The following CEP68 variants were observed in gnomAD, a reference collection of about 807,000 sequenced individuals.
CEP68 encodes centrosomal protein 68, also known as centrosomal protein of 68 kDa.
A neutral mutation model predicts 55.3 loss-of-function variants in CEP68; 26 were observed. The observed-to-expected ratio is 0.47, with a 90% CI of 0.34 to 0.65. The LOEUF is 0.65. Among genes scored for constraint, CEP68 ranks in the 30% least tolerant of loss-of-function variants. The pLI is 0.01. For synonymous variants in CEP68, 402 were observed against 383.2 expected, an observed-to-expected ratio of 1.05 and a Z score of -0.57; for missense variants, 957 against 946.7, an observed-to-expected ratio of 1.01 and a Z score of -0.14.
chr2:65,084,323 A>G lies in CEP68; in HGVS notation c.*689A>G, dbSNP rs780847280. The stretch of plus-strand genomic sequence containing the variant: ...TCTACAGTCATGCTTTAGCATGGCT[A>G]TGGAGCTAATTATCAAGCTTAAAGG... On this transcript the variant is annotated 3_prime_UTR_variant, in exon 7 of 7. Coordinates refer to ENST00000377990, the MANE Select transcript of CEP68 (RefSeq NM_015147.3). 1.2e-4 allele frequency: 18 copies of G among 152,184 alleles called. No individual in the cohort carries two copies. The highest frequency in any genetic ancestry group is 3.9e-4 in the African/African-American group (16 of 41,446). 9.4% of individuals were successfully genotyped at this position (152,184 alleles called of 1,614,324 possible). A position where few individuals can be genotyped will look rare whatever the true frequency, so the allele number is the denominator to read the frequency against.
At position 65,073,193 on chromosome 2, in the gene CEP68, G is replaced by C. The variant is rs1280706865; in HGVS notation, c.1884+213G>C. 4.7e-6 allele frequency: 3 copies of C among 639,794 alleles called. No individual in the cohort carries two copies. The East Asian group carries it at 9.0e-5, about 19-fold the overall frequency. The allele number at this position is 639,794 out of a possible 1,614,324, so 39.6% of individuals were successfully genotyped here. Reference sequence around the variant, plus strand: ...TGGAGGAAAGAGCAGAGAGAGGTTAGGTAACGTGCCCACTTATAATTAGCA... The same window carrying C: ...TGGAGGAAAGAGCAGAGAGAGGTTACGTAACGTGCCCACTTATAATTAGCA... On this transcript the variant is annotated intron_variant, in intron 3 of 6. Transcript: ENST00000377990.
At chr2:65,083,369 G>T (rs1019247211) in intron 6 of CEP68, among the ~76,000 whole-genome samples, 17 of 152,220 alleles carry the variant, frequency 1.1e-4, no homozygotes, top group African/African-American at 4.1e-4. Context: ...AGGTGGGTGT[G>T]TCCACCACAG....
At chr2:65,073,005 C>T (rs765494507) in intron 3 of CEP68, 25 bp downstream of exon 3, 1 of 1,612,080 alleles carries the variant, frequency 6.2e-7, no homozygotes, top group East Asian at 2.2e-5. Context: ...CGTTAGGAAG[C>T]TTTGTGTACA....
chr2:65,080,133 C>CAA (rs397984856), intron 5 of CEP68: 934 of 534,206 alleles, frequency 1.7e-3, no homozygotes, highest in Non-Finnish European at 2.0e-3. Context: ...AATTCCTTCT[C>CAA]AAAAAAAAAA....
rs1026411944 is a variant in CEP68, at chr2:65,086,473, GA to G, written c.*2842del. 10 of 152,296 alleles carry G rather than the reference GA, an allele frequency of 6.6e-5. No homozygotes were observed. The highest frequency in any genetic ancestry group is 1.2e-4 in the Non-Finnish European group (8 of 68,018). The allele number at this position is 152,296 out of a possible 1,614,324, so 9.4% of individuals were successfully genotyped here. On this transcript the variant is annotated 3_prime_UTR_variant, in exon 7 of 7. Coordinates refer to ENST00000377990, the MANE Select transcript of CEP68 (RefSeq NM_015147.3). ...ATAGAAGCAAATCTTAAGGCATGCT[GA>G]AATTTGTTGTAAATCCCAATCTTTA...
rs1043609102 is a variant in CEP68, at chr2:65,086,189, T to G, written c.*2555T>G. Reference sequence around the variant, plus strand: ...GGAAATTCAATCCAAGGTCGAAGAATAGGAAATTACTGCTCAGACCACAAT... The same window carrying G: ...GGAAATTCAATCCAAGGTCGAAGAAGAGGAAATTACTGCTCAGACCACAAT... On this transcript the variant is annotated 3_prime_UTR_variant, in exon 7 of 7. Coordinates refer to ENST00000377990, the MANE Select transcript of CEP68 (RefSeq NM_015147.3). The G allele has an allele frequency of 1.3e-5, 2 of 152,188 alleles. No homozygotes were observed. Among genetic ancestry groups the G allele is most frequent in the African/African-American group, 4.8e-5 (2 of 41,448 alleles). 9.4% of individuals were successfully genotyped at this position (152,188 alleles called of 1,614,324 possible).
chr2:65,069,395 G>T lies in CEP68; in HGVS notation c.-46-4G>T, dbSNP rs548939324. On this transcript the variant is annotated splice_region_variant and splice_polypyrimidine_tract_variant and intron_variant, in intron 1 of 6. Transcript: ENST00000377990. ...ATTTTTCTCTCCCTTCCCCTGTTTT[G>T]TAGGAAGCTGAAGTCTTCAGCAGAA... 8 of 1,365,178 alleles carry T rather than the reference G, an allele frequency of 5.9e-6. No homozygotes were observed. In the African/African-American group the frequency reaches 1.0e-4, roughly 17 times the overall value. 84.6% of individuals were successfully genotyped at this position (1,365,178 alleles called of 1,614,324 possible).
In CEP68 at chr2:65,086,168, A is replaced by G. The variant is rs549385691; in HGVS notation, c.*2534A>G. 1 of 152,338 alleles carries G rather than the reference A, an allele frequency of 6.6e-6. No individual in the cohort carries two copies. Among genetic ancestry groups the G allele is most frequent in the South Asian group, 2.1e-4 (1 of 4,824 alleles). The allele number at this position is 152,338 out of a possible 1,614,324, so 9.4% of individuals were successfully genotyped here. On this transcript the variant is annotated 3_prime_UTR_variant, in exon 7 of 7. Transcript: ENST00000377990. ...AAAGGCAAGATGTAGGCTAAGGGAA[A>G]TTCAATCCAAGGTCGAAGAATAGGA...
rs965251585 is a variant in CEP68, at chr2:65,071,629, T to C, written c.533T>C (p.Leu178Pro). Residue 178 changes from leucine to proline, a missense_variant, in exon 3 of 7, where the codon CTG becomes CCG. Coordinates refer to ENST00000377990, the MANE Select transcript of CEP68 (RefSeq NM_015147.3). ...QQPHSSGLSC[L>P]SQWKSVLSPG... ...CCTCACAGCTCAGGTCTCTCTTGCC[T>C]GTCACAGTGGAAGTCCGTGCTGAGC... 2 of 1,614,164 alleles carry C rather than the reference T, an allele frequency of 1.2e-6. No individual in the cohort carries two copies. Among genetic ancestry groups the C allele is most frequent in the Non-Finnish European group, 1.7e-6 (2 of 1,180,028 alleles).
At chr2:65,057,970 G>A (rs1675721090) in intron 1 of CEP68, among the ~76,000 whole-genome samples, 1 of 152,026 alleles carries the variant, frequency 6.6e-6, no homozygotes, top group South Asian at 2.1e-4. Flanking sequence ...CCGTGCCTTG[G>A]TTTCCTCATC....
chr2:65,074,406 T>G lies in CEP68; in HGVS notation c.2007+2T>G. The G allele has an allele frequency of 6.2e-7, 1 of 1,614,050 alleles. No homozygotes were observed. On this transcript the variant is annotated splice_donor_variant, in intron 4 of 6. Coordinates refer to ENST00000377990, the MANE Select transcript of CEP68 (RefSeq NM_015147.3). LOFTEE classifies it high-confidence loss of function. Reference sequence around the variant, plus strand: ...AAGTCTTCTCTGCAGCTTTACCGGGTAATATGCGGTCCTGGCTCTGGCTTG... The same window carrying G: ...AAGTCTTCTCTGCAGCTTTACCGGGGAATATGCGGTCCTGGCTCTGGCTTG...
chr2:65,083,463 C>G (rs1265138494), intron 6 of CEP68, among the ~76,000 whole-genome samples, 176 bp from the exon 7 acceptor site: 1 of 152,228 alleles, frequency 6.6e-6, no homozygotes, highest in Non-Finnish European at 1.5e-5. Context: ...TAGTGCTTAA[C>G]TCATAGATTT....
chr2:65,061,186 A>G (rs28413930), intron 1 of CEP68, among the ~76,000 whole-genome samples: 10 of 151,938 alleles, frequency 6.6e-5, no homozygotes, highest in African/African-American at 2.4e-4. Flanking sequence ...TAAAAAAAAG[A>G]AAAAAAAGGG....
chr2:65,068,423 A>T (rs185941343), intron 1 of CEP68, among the ~76,000 whole-genome samples: 5 of 152,202 alleles, frequency 3.3e-5, no homozygotes. Flanking sequence ...TCTTGCTCTC[A>T]TGTGCACACA....
At chr2:65,071,179 G>A (rs774233076) in intron 2 of CEP68, 52 of 480,536 alleles carry the variant, frequency 1.1e-4, no homozygotes, top group Non-Finnish European at 1.8e-4. Flanking sequence ...AGCTGTCTGA[G>A]TTCTGCTTGC....
intron 1 of CEP68, among the ~76,000 whole-genome samples, chr2:65,060,013 G>C (rs1357168492): frequency 6.7e-6 from 1 of 149,390 alleles, no homozygotes; most frequent in Non-Finnish European, 1.5e-5. Context: ...TCTCTATCTT[G>C]TTAAAAAAAA....
At chr2:65,071,150 T>G in intron 2 of CEP68, 1 of 405,394 alleles carries the variant, frequency 2.5e-6, no homozygotes, top group African/African-American at 2.0e-5. Flanking sequence ...GGGACTGTTT[T>G]CCAGCTTCAG....
intron 1 of CEP68, among the ~76,000 whole-genome samples, chr2:65,061,366 GCTC>G (rs1675907803): frequency 6.6e-6 from 1 of 152,132 alleles, no homozygotes; most frequent in Non-Finnish European, 1.5e-5. Flanking sequence ...GGACCCACTG[GCTC>G]CTCCTAGGGC....
chr2:65,062,532 C>CAAAAAA lies in CEP68; in HGVS notation c.-47+6018_-47+6023dup, dbSNP rs10700779. On this transcript the variant is annotated intron_variant, in intron 1 of 6. Coordinates refer to ENST00000377990, the MANE Select transcript of CEP68 (RefSeq NM_015147.3). ...TGGGCGACAGAGTGAGACTCCATCTCAAAAAAAAAAAAAAAAAAAGAGGCG... is the reference window on the plus strand; with the variant it reads ...TGGGCGACAGAGTGAGACTCCATCTCAAAAAAAAAAAAAAAAAAAAAAAAAGAGGCG... Among the ~76,000 whole-genome samples the CAAAAAA allele has an allele frequency of 7.5e-5, 5 of 66,288 alleles. 1 individual carries two copies. Among genetic ancestry groups the CAAAAAA allele is most frequent in the African/African-American group, 6.3e-5 (1 of 15,896 alleles). 43.5% of individuals were successfully genotyped at this position (66,288 alleles called of 152,430 possible). A position where few individuals can be genotyped will look rare whatever the true frequency, so the allele number is the denominator to read the frequency against.
Sources: gnomAD v4.1 joint callset for allele counts (sites outside exome capture counted in the v4.1 genomes callset) on GRCh38, gnomAD v4.1.1 for gene constraint, MANE v1.5 for transcripts, NCBI Gene and HGNC (gene_info 2026-07-23, HGNC 2026-07-21) for gene names.